Variants in NUP54 observed in about 807,000 individuals in gnomAD.
NUP54 encodes the protein nucleoporin 54.
NUP54 carries 27 observed loss-of-function variants against 66.4 expected under a neutral mutation model. That is an observed-to-expected ratio of 0.41 (90% CI 0.30 to 0.56). The LOEUF (loss-of-function observed/expected upper bound fraction) is 0.56, where lower values mean the gene tolerates loss of function less well. Ranked by LOEUF, NUP54 falls within the 20% of genes least tolerant of loss-of-function variation. The pLI, the probability that NUP54 is intolerant of heterozygous loss-of-function variation, is 0.34. For missense variants in NUP54, 486 were observed against 596.3 expected, an observed-to-expected ratio of 0.82 and a Z score of 1.93; for synonymous variants, 206 against 210.7, an observed-to-expected ratio of 0.98 and a Z score of 0.19.
At chr4:76,125,092 C>G (rs1350571972) in intron 8 of NUP54, among the ~76,000 whole-genome samples, 1 of 151,920 alleles carries the variant, frequency 6.6e-6, no homozygotes, top group Non-Finnish European at 1.5e-5. Context: ...GAGTTCAAGA[C>G]CAGCCTGGCC....
In NUP54 at chr4:76,118,127, C is replaced by T. The variant is rs1179153957; in HGVS notation, c.1232G>A (p.Arg411Gln). The T allele has an allele frequency of 1.9e-6, 3 of 1,613,738 alleles. No homozygotes were observed. The highest frequency in any genetic ancestry group is 2.5e-6 in the Non-Finnish European group (3 of 1,179,678). ...YAIQADEEQL[R>Q]VQLDTIQGEL... ...ACCCTGAATCGTATCCAGCTGAACT[C>T]GCAACTGCTCTTCATCAGCCTGAAT... Residue 411 changes from arginine (R) to glutamine (Q), a missense_variant, in exon 10 of 12, where the codon CGA becomes CAA. Coordinates refer to ENST00000264883, the MANE Select transcript of NUP54 (RefSeq NM_017426.4).
At chr4:76,136,680 A>G (rs1225970417) in intron 3 of NUP54, among the ~76,000 whole-genome samples, 1 of 152,172 alleles carries the variant, frequency 6.6e-6, no homozygotes, top group Non-Finnish European at 1.5e-5. Flanking sequence ...GCTCAGAGTC[A>G]AACAGATCTG....
At chr4:76,143,078 CAA>C (rs965380344) in intron 3 of NUP54, among the ~76,000 whole-genome samples, 1 of 145,456 alleles carries the variant, frequency 6.9e-6, no homozygotes, top group Non-Finnish European at 1.5e-5. Flanking sequence ...GCTGATCACT[CAA>C]AAAAAAAAGA....
At chr4:76,125,801 G>A (rs1730501411) in intron 8 of NUP54, among the ~76,000 whole-genome samples, 1 of 60,594 alleles carries the variant, frequency 1.7e-5, no homozygotes, top group South Asian at 1.2e-3. Flanking sequence ...GAGGGAGAGG[G>A]AGAGAGAGGG....
At chr4:76,130,010 T>C (rs1398282270) in intron 8 of NUP54, among the ~76,000 whole-genome samples, 1 of 103,968 alleles carries the variant, frequency 9.6e-6, no homozygotes, top group African/African-American at 3.7e-5. Flanking sequence ...TTGAGGAGTC[T>C]CACTCTGTCG....
Position 76,132,724 on chromosome 4 carries a change from A to G in NUP54, c.711-5T>C, listed in dbSNP as rs748402997. ...ACATAAATAACAACTTCTGTCCTGA[A>G]GGAAGAATAACCAATTTATAAAATA... On this transcript the variant is annotated splice_polypyrimidine_tract_variant and splice_region_variant and intron_variant, in intron 5 of 11. Transcript: ENST00000264883. The G allele has an allele frequency of 6.2e-7, 1 of 1,602,582 alleles. No individual in the cohort carries two copies. Among genetic ancestry groups the G allele is most frequent in the South Asian group, 1.1e-5 (1 of 89,272 alleles).
chr4:76,128,540 A>G (rs968483907), intron 8 of NUP54, among the ~76,000 whole-genome samples: 4 of 152,248 alleles, frequency 2.6e-5, no homozygotes, highest in Non-Finnish European at 5.9e-5. Flanking sequence ...CGCTTCAAAT[A>G]TAACAATATA....
intron 8 of NUP54, among the ~76,000 whole-genome samples, chr4:76,130,044 G>A (rs559614159): frequency 0.011 from 1,244 of 110,862 alleles, 16 homozygotes; most frequent in Middle Eastern, 0.024. Context: ...GCAGTGGCAC[G>A]ATTTCTGTTC....
intron 3 of NUP54, among the ~76,000 whole-genome samples, chr4:76,141,969 G>A (rs1224951202): frequency 6.6e-6 from 1 of 151,920 alleles, no homozygotes; most frequent in Non-Finnish European, 1.5e-5. Context: ...TTTCCTCTGC[G>A]TGGATACCCT....
Position 76,131,224 on chromosome 4 carries a change from A to C in NUP54, c.962+6T>G, listed in dbSNP as rs1434192142. The C allele has an allele frequency of 6.4e-7, 1 of 1,565,638 alleles. No individual in the cohort carries two copies. On this transcript the variant is annotated splice_donor_region_variant and intron_variant, in intron 7 of 11. Coordinates refer to ENST00000264883, the MANE Select transcript of NUP54 (RefSeq NM_017426.4). ...CTTAAATGAAACAAGATGAAGACAT[A>C]CTTACTTTTCAGAATCAGGGTTATC...
At chr4:76,135,681 C>A (rs1378486908) in intron 4 of NUP54, among the ~76,000 whole-genome samples, 1 of 152,128 alleles carries the variant, frequency 6.6e-6, no homozygotes, top group East Asian at 1.9e-4. Context: ...AATGCATTAC[C>A]AAATGGACCT....
At chr4:76,125,865 G>GGGGAGGGAGAGA (rs1730514861) in intron 8 of NUP54, among the ~76,000 whole-genome samples, 3 of 90,046 alleles carry the variant, frequency 3.3e-5, no homozygotes, top group African/African-American at 9.3e-5. Context: ...GGAGGGGGAG[G>GGGGAGGGAGAGA]GAGAGAGAGA....
intron 1 of NUP54, chr4:76,147,407 A>G (rs1160198878): frequency 6.6e-6 from 7 of 1,055,016 alleles, no homozygotes; most frequent in Non-Finnish European, 7.4e-6. Context: ...TTCTTTCCCA[A>G]ACTCCAGGAA....
chr4:76,136,913 T>G (rs968713544), intron 3 of NUP54, among the ~76,000 whole-genome samples: 3 of 152,202 alleles, frequency 2.0e-5, no homozygotes, highest in African/African-American at 4.8e-5. Flanking sequence ...CTTAAGCCAC[T>G]AAGTTTGTGG....
intron 3 of NUP54, among the ~76,000 whole-genome samples, chr4:76,139,935 T>C (rs1390840732): frequency 6.6e-6 from 1 of 152,232 alleles, no homozygotes; most frequent in East Asian, 1.9e-4. Flanking sequence ...TTAATGACCT[T>C]AACTTATTTG....
At chr4:76,126,214 C>T (rs1730532912) in intron 8 of NUP54, among the ~76,000 whole-genome samples, 1 of 152,142 alleles carries the variant, frequency 6.6e-6, no homozygotes. Context: ...TGACTGAAAT[C>T]CCACTATTCT....
rs375057865 is a variant in NUP54, at chr4:76,145,122, T to C, written c.68-649A>G. 3.3e-3 allele frequency among the ~76,000 whole-genome samples: 496 copies of C among 151,722 alleles called. 1 individual carries two copies. The highest frequency in any genetic ancestry group is 4.0e-3 in the Non-Finnish European group (271 of 67,890). ...TCACAAGGTCAGGAGATCGAGACCA[T>C]CCTGGCTAACACGGTGAAACCCCGT... On this transcript the variant is annotated intron_variant, in intron 1 of 11. Coordinates refer to ENST00000264883, the MANE Select transcript of NUP54 (RefSeq NM_017426.4).
At chr4:76,148,016 C>T in intron 1 of NUP54, 1 of 393,726 alleles carries the variant, frequency 2.5e-6, no homozygotes, top group East Asian at 3.8e-5. Context: ...GGGAAGCAAC[C>T]TCCAATTTCT....
At chr4:76,134,130 A>T (rs113233037) in intron 5 of NUP54, 45 bp downstream of exon 5, 1 of 1,404,978 alleles carries the variant, frequency 7.1e-7, no homozygotes, top group Non-Finnish European at 9.9e-7. Context: ...CCTTAGGACC[A>T]GAAATAAATA....
Sources: gnomAD v4.1 joint callset for allele counts (sites outside exome capture counted in the v4.1 genomes callset) on GRCh38, gnomAD v4.1.1 for gene constraint, MANE v1.5 for transcripts, NCBI Gene and HGNC (gene_info 2026-07-23, HGNC 2026-07-21) for gene names.